ANO10: variants seen among roughly 807,000 people sequenced by gnomAD.
ANO10 encodes anoctamin 10.
A neutral mutation model predicts 74.7 loss-of-function variants in ANO10; 77 were observed. The observed-to-expected ratio is 1.03, with a 90% CI of 0.86 to 1.25. The LOEUF is 1.25. Among genes scored for constraint, ANO10 ranks in the 50% most tolerant of loss-of-function variants. ANO10 has a pLI of 0.00. For synonymous variants in ANO10, 279 were observed against 284.9 expected (o/e 0.98, Z 0.21); for missense variants, 721 against 778.1 (o/e 0.93, Z 0.87).
intron 12 of ANO10, among the ~76,000 whole-genome samples, chr3:43,426,070 C>G (rs138825438): frequency 4.6e-5 from 7 of 152,264 alleles, no homozygotes; most frequent in African/African-American, 1.7e-4. Context: ...AACCAATTGC[C>G]AATTTGAATC....
chr3:43,441,426 T>G (rs561397700), intron 11 of ANO10, among the ~76,000 whole-genome samples: 9 of 151,880 alleles, frequency 5.9e-5, no homozygotes, highest in African/African-American at 2.2e-4. Flanking sequence ...AATAAATGAA[T>G]TCCTAGAAAC....
At chr3:43,684,404 T>C (rs982738465) in intron 1 of ANO10, among the ~76,000 whole-genome samples, 2 of 150,308 alleles carry the variant, frequency 1.3e-5, no homozygotes, top group African/African-American at 5.0e-5. Flanking sequence ...CCAGTTAGAA[T>C]GGCAATCATT....
chr3:43,513,646 G>A (rs1265953850), intron 11 of ANO10, among the ~76,000 whole-genome samples: 1 of 152,146 alleles, frequency 6.6e-6, no homozygotes, highest in East Asian at 1.9e-4. Context: ...GAGTAGCTAG[G>A]ACTACAGGCG....
chr3:43,509,803 C>G (rs967286877), intron 11 of ANO10, among the ~76,000 whole-genome samples: 2 of 152,158 alleles, frequency 1.3e-5, no homozygotes, highest in African/African-American at 4.8e-5. Flanking sequence ...GACCAGATGT[C>G]CTTCAGTGGG....
intron 4 of ANO10, among the ~76,000 whole-genome samples, chr3:43,591,291 T>C (rs1003654618): frequency 6.6e-5 from 10 of 152,310 alleles, no homozygotes; most frequent in South Asian, 4.1e-4. Flanking sequence ...GAGGCACCCA[T>C]TGCCACTCCC....
chr3:43,435,097 C>T (rs574746875), intron 11 of ANO10, among the ~76,000 whole-genome samples: 91 of 152,308 alleles, frequency 6.0e-4, no homozygotes, highest in African/African-American at 2.0e-3. Flanking sequence ...ATATGCCCTG[C>T]CACGCTCCTA....
chr3:43,647,528 T>C (rs997115094), intron 1 of ANO10, among the ~76,000 whole-genome samples: 5 of 152,148 alleles, frequency 3.3e-5, no homozygotes, highest in African/African-American at 1.2e-4. Flanking sequence ...TCCTCTCTAC[T>C]CAGACTACTG....
intron 12 of ANO10, among the ~76,000 whole-genome samples, chr3:43,386,707 T>C (rs1331331483): frequency 2.0e-5 from 3 of 150,932 alleles, no homozygotes; most frequent in East Asian, 2.0e-4. Flanking sequence ...CAGCTACCTC[T>C]GGGAAGGAGG....
intron 8 of ANO10, among the ~76,000 whole-genome samples, chr3:43,564,607 G>C (rs1460360023): frequency 2.0e-5 from 3 of 151,808 alleles, no homozygotes; most frequent in African/African-American, 7.3e-5. Flanking sequence ...TTTTTACTTG[G>C]CCTGTACACT....
At chr3:43,413,382 T>C (rs1358647675) in intron 12 of ANO10, among the ~76,000 whole-genome samples, 3 of 152,146 alleles carry the variant, frequency 2.0e-5, no homozygotes, top group Non-Finnish European at 4.4e-5. Flanking sequence ...TTCTCATGAA[T>C]GGTTTAGCAC....
intron 11 of ANO10, among the ~76,000 whole-genome samples, chr3:43,511,122 G>A (rs376731723): frequency 1.6e-4 from 24 of 152,160 alleles, no homozygotes; most frequent in Middle Eastern, 3.4e-3. Context: ...AAAGACGATC[G>A]TTTTAAGTCA....
intron 11 of ANO10, among the ~76,000 whole-genome samples, chr3:43,514,733 A>C (rs1192401914): frequency 2.0e-5 from 3 of 152,202 alleles, no homozygotes; most frequent in African/African-American, 7.2e-5. Context: ...GGGACATTAA[A>C]TAAGTCTCAA....
At chr3:43,483,153 G>C (rs1222795892) in intron 11 of ANO10, among the ~76,000 whole-genome samples, 1 of 152,216 alleles carries the variant, frequency 6.6e-6, no homozygotes, top group Non-Finnish European at 1.5e-5. Flanking sequence ...CCACAAGGCA[G>C]GAATTCAACA....
At chr3:43,474,335 C>T (rs1043121215) in intron 11 of ANO10, among the ~76,000 whole-genome samples, 13 of 151,688 alleles carry the variant, frequency 8.6e-5, no homozygotes, top group Non-Finnish European at 1.6e-4. Context: ...GTTGTTTTTC[C>T]AAGTCGATAA....
rs546471292 is a variant in ANO10 at position 43,665,141 on chromosome 3, A to G, written c.-12+26376T>C. On this transcript the variant is annotated intron_variant, in intron 1 of 3. Transcript: ENST00000413397. ...GAACCAACCCAAATGTCTATCAATG[A>G]TAGACTGGATTAAGAAAATGTGGCA... Among the ~76,000 whole-genome samples, 111 of 152,342 alleles carry G rather than the reference A, an allele frequency of 7.3e-4. 1 individual carries two copies. The highest frequency in any genetic ancestry group is 2.6e-3 in the African/African-American group (108 of 41,568).
At chr3:43,620,706 A>G (rs1238562272) in intron 1 of ANO10, among the ~76,000 whole-genome samples, 12 of 152,232 alleles carry the variant, frequency 7.9e-5, no homozygotes, top group African/African-American at 2.9e-4. Flanking sequence ...CGGAGGTTGC[A>G]GTGAGCAGAC....
At chr3:43,403,363 G>C (rs2092518008) in intron 12 of ANO10, among the ~76,000 whole-genome samples, 1 of 152,240 alleles carries the variant, frequency 6.6e-6, no homozygotes, top group Non-Finnish European at 1.5e-5. Context: ...CTAATACCTA[G>C]TGAAGTGAAA....
chr3:43,512,385 G>C (rs930646815), intron 11 of ANO10, among the ~76,000 whole-genome samples: 1 of 152,124 alleles, frequency 6.6e-6, no homozygotes, highest in Non-Finnish European at 1.5e-5. Flanking sequence ...GCACTATTCT[G>C]TGCATTATTT....
intron 1 of ANO10, among the ~76,000 whole-genome samples, chr3:43,647,256 A>G (rs1248070795): frequency 6.6e-6 from 1 of 151,806 alleles, no homozygotes. Context: ...TCACATGATT[A>G]TGGAGGGTGA....
Sources: gnomAD v4.1 joint callset for allele counts (sites outside exome capture counted in the v4.1 genomes callset) on GRCh38, gnomAD v4.1.1 for gene constraint, MANE v1.5 for transcripts, NCBI Gene and HGNC (gene_info 2026-07-23, HGNC 2026-07-21) for gene names.